The following PHF2 variants were observed in gnomAD, a reference collection of about 807,000 sequenced individuals.
PHF2 encodes lysine-specific demethylase PHF2.
A neutral mutation model predicts 120.5 loss-of-function variants in PHF2; 27 were observed. The observed-to-expected ratio is 0.22, with a 90% confidence interval of 0.17 to 0.31. The LOEUF (loss-of-function observed/expected upper bound fraction) is 0.31, where lower values mean the gene tolerates loss of function less well. PHF2 is among the 10% of genes least tolerant of loss of function. The pLI is 1.00. For missense variants in PHF2, 1,024 were observed against 1,434.8 expected (o/e 0.71, Z 4.63); for synonymous variants, 568 against 592.5 (o/e 0.96, Z 0.60).
chr9:93,630,442 G>T (rs570516823), intron 2 of PHF2, among the ~76,000 whole-genome samples: 1 of 152,340 alleles, frequency 6.6e-6, no homozygotes, highest in East Asian at 1.9e-4. Context: ...GCTACACGGG[G>T]GGCCCAGCCT....
chr9:93,611,494 GT>G (rs1825634854), intron 1 of PHF2, among the ~76,000 whole-genome samples: 1 of 152,036 alleles, frequency 6.6e-6, no homozygotes, highest in Admixed American at 6.6e-5. Context: ...AATCAAAGCA[GT>G]TTGTTTGGAT....
chr9:93,629,643 CTTCCT>C lies in PHF2; in HGVS notation c.99-325_99-321del, dbSNP rs138277586. 4.6e-5 allele frequency among the ~76,000 whole-genome samples: 7 copies of C among 152,342 alleles called. No individual in the cohort carries two copies. In the East Asian group the frequency reaches 1.4e-3, roughly 29 times the overall value. On this transcript the variant is annotated intron_variant, in intron 1 of 21. Transcript: ENST00000359246. ...GGACAGCCTGGCTCTGAGAACCCCT[CTTCCT>C]TCCCTGCCCCCTGGGTGACGGGGCA...
In PHF2 at chr9:93,639,371, C is replaced by T. The variant is rs903217017; in HGVS notation, c.299+2846C>T. ...TCGTTTTCTTAATTTTCAGATTGTTCATTGATAGTGTGTAGAAATACAATT... is the reference window on the plus strand; with the variant it reads ...TCGTTTTCTTAATTTTCAGATTGTTTATTGATAGTGTGTAGAAATACAATT... On this transcript the variant is annotated intron_variant, in intron 3 of 21. Coordinates refer to ENST00000359246, the MANE Select transcript of PHF2 (RefSeq NM_005392.4). Among the ~76,000 whole-genome samples the T allele has an allele frequency of 3.1e-4, 47 of 151,958 alleles. 1 individual carries two copies. Among genetic ancestry groups the T allele is most frequent in the Admixed American group, 3.1e-3 (47 of 15,266 alleles).
At chr9:93,615,352 T>G (rs989399661) in intron 1 of PHF2, among the ~76,000 whole-genome samples, 2 of 151,866 alleles carry the variant, frequency 1.3e-5, no homozygotes, top group Non-Finnish European at 2.9e-5. Context: ...GCAATGATGG[T>G]GATGGTGATG....
chr9:93,608,567 T>C (rs1825583790), intron 1 of PHF2, among the ~76,000 whole-genome samples: 1 of 152,168 alleles, frequency 6.6e-6, no homozygotes, highest in Non-Finnish European at 1.5e-5. Flanking sequence ...GGGTTCTGTC[T>C]GAGCCTGGTG....
intron 1 of PHF2, among the ~76,000 whole-genome samples, chr9:93,599,040 C>A (rs1825386259): frequency 1.3e-5 from 2 of 151,968 alleles, no homozygotes; most frequent in African/African-American, 4.8e-5. Context: ...TGTTGCTCAG[C>A]AGCCTGTTTC....
At chr9:93,643,349 TGTGGCCCAG>T (rs1456694202) in intron 3 of PHF2, among the ~76,000 whole-genome samples, 8 of 152,248 alleles carry the variant, frequency 5.3e-5, no homozygotes, top group African/African-American at 1.9e-4. Context: ...ATTTTCTGCC[TGTGGCCCAG>T]GTGGATGGGA....
chr9:93,662,802 G>A (rs1398260919), intron 12 of PHF2, 105 bp from the exon 13 acceptor site: 1 of 1,387,930 alleles, frequency 7.2e-7, no homozygotes, highest in Admixed American at 1.9e-5. Flanking sequence ...ATGGAGGCTT[G>A]AGCTGCAAGC....
At chr9:93,578,847 G>A (rs1344990544) in intron 1 of PHF2, among the ~76,000 whole-genome samples, 2 of 152,146 alleles carry the variant, frequency 1.3e-5, no homozygotes, top group Non-Finnish European at 2.9e-5. Flanking sequence ...TCTTATTTGA[G>A]GTCTCTGATT....
intron 1 of PHF2, among the ~76,000 whole-genome samples, chr9:93,579,419 C>T (rs1862893668): frequency 6.6e-6 from 1 of 152,140 alleles, no homozygotes; most frequent in Non-Finnish European, 1.5e-5. Context: ...ACATCTTACC[C>T]AGCCATGGGA....
chr9:93,626,040 T>G (rs1242532360), intron 1 of PHF2, among the ~76,000 whole-genome samples: 2 of 151,842 alleles, frequency 1.3e-5, no homozygotes, highest in African/African-American at 4.8e-5. Context: ...GTAAGGAGTT[T>G]GAGACCAGCC....
intron 1 of PHF2, among the ~76,000 whole-genome samples, chr9:93,612,724 A>G (rs529541218): frequency 2.0e-4 from 31 of 152,342 alleles, no homozygotes; most frequent in African/African-American, 7.2e-4. Context: ...TTTTCAGAAT[A>G]ATAGGAATCT....
chr9:93,620,995 T>TG (rs1825816715), intron 1 of PHF2, among the ~76,000 whole-genome samples: 1 of 152,242 alleles, frequency 6.6e-6, no homozygotes, highest in African/African-American at 2.4e-5. Context: ...GCTGTCTCCT[T>TG]GGCATATAGC....
At chr9:93,592,852 G>A (rs888682079) in intron 1 of PHF2, among the ~76,000 whole-genome samples, 1 of 152,076 alleles carries the variant, frequency 6.6e-6, no homozygotes, top group African/African-American at 2.4e-5. Context: ...GCTGTTGTTA[G>A]AAGTATTGCT....
chr9:93,647,821 G>A lies in PHF2; in HGVS notation c.461-1250G>A, dbSNP rs566453699. ...GAAGAATCACCTGAATCCAGGAGGT[G>A]GAGGTTGCAGTGAGCCAAGATCGTG... On this transcript the variant is annotated intron_variant, in intron 4 of 21. Transcript: ENST00000359246. Among the ~76,000 whole-genome samples the A allele has an allele frequency of 3.9e-5, 6 of 152,238 alleles. No individual in the cohort carries two copies. The East Asian group carries it at 1.2e-3, about 29-fold the overall frequency.
chr9:93,615,115 G>A (rs1825703671), intron 1 of PHF2, among the ~76,000 whole-genome samples: 1 of 151,028 alleles, frequency 6.6e-6, no homozygotes, highest in Non-Finnish European at 1.5e-5. Context: ...GATGGTGATG[G>A]TGATGGCGAT....
In PHF2 at chr9:93,656,347, A is replaced by G; in HGVS notation, c.1041-142A>G. On this transcript the variant is annotated intron_variant, in intron 8 of 21. Transcript: ENST00000359246. The surrounding 1 kb of genome is among the most constrained non-coding windows in gnomAD (Gnocchi z 4.1). ...ATGGGCCCCGAGGTCTGCAGCCACC[A>G]GGGCAGTTTTCCCCTGGTCCTCCTC... The G allele has an allele frequency of 3.0e-6, 2 of 660,438 alleles. No individual in the cohort carries two copies. Among genetic ancestry groups the G allele is most frequent in the East Asian group, 2.5e-5 (1 of 39,504 alleles). The allele number at this position is 660,438 out of a possible 1,614,324, so 40.9% of individuals were successfully genotyped here. A position where few individuals can be genotyped will look rare whatever the true frequency, so the allele number is the denominator to read the frequency against.
intron 1 of PHF2, among the ~76,000 whole-genome samples, chr9:93,578,228 CTG>C (rs1365695143): frequency 6.6e-6 from 1 of 152,162 alleles, no homozygotes; most frequent in East Asian, 1.9e-4. Flanking sequence ...GCCTGGGACT[CTG>C]TGGGGTGGGG....
At chr9:93,657,322 A>G (rs948128844) in intron 9 of PHF2, among the ~76,000 whole-genome samples, 2 of 152,112 alleles carry the variant, frequency 1.3e-5, no homozygotes, top group African/African-American at 4.8e-5. Flanking sequence ...AGAAGGTAAA[A>G]TGGTCCTTAG....
Sources: allele counts gnomAD v4.1 joint callset (sites outside exome capture counted in the v4.1 genomes callset), GRCh38; gene constraint gnomAD v4.1.1; non-coding constraint Gnocchi (gnomAD v3.1); transcripts MANE v1.5; gene names NCBI Gene and HGNC (gene_info 2026-07-23, HGNC 2026-07-21).